TAOK1: variants seen among roughly 807,000 people sequenced by gnomAD.
TAOK1 encodes serine/threonine-protein kinase TAO1.
Under a neutral mutation model 138.3 loss-of-function variants are expected in TAOK1, and 21 were observed. That is an observed-to-expected ratio of 0.15 (90% CI 0.11 to 0.22). The LOEUF is 0.22. TAOK1 is among the 10% of genes least tolerant of loss of function. TAOK1 has a pLI of 1.00. For synonymous variants in TAOK1, 361 were observed against 398.4 expected (o/e 0.91, Z 1.12); for missense variants, 651 against 1,227.7 (o/e 0.53, Z 7.02).
At chr17:29,491,677 C>T in intron 9 of TAOK1, 107 bp from the exon 10 acceptor site, 10 of 755,122 alleles carry the variant, frequency 1.3e-5, no homozygotes, top group Admixed American at 4.1e-5. Flanking sequence ...TTTTTTTAAT[C>T]ATTCCCTTTC....
rs114969824 is a variant in TAOK1 at position 29,431,638 on chromosome 17, A to C, written c.-94-19817A>C. 8.6e-3 allele frequency among the ~76,000 whole-genome samples: 1,304 copies of C among 151,890 alleles called. 22 individuals are homozygous for C. The highest frequency in any genetic ancestry group is 0.03 in the African/African-American group (1,235 of 41,436). On this transcript the variant is annotated intron_variant, in intron 1 of 19. Transcript: ENST00000261716. ...TAAGTAAATAAATGTAAATAAGTAT[A>C]AGTTAAATTTTTTTTTTTGAGACAG...
intron 1 of TAOK1, among the ~76,000 whole-genome samples, chr17:29,412,439 T>TCCATTCAAGTCCTCTA (rs34300390): frequency 8.1e-5 from 2 of 24,810 alleles, no homozygotes; most frequent in Non-Finnish European, 1.3e-4. Context: ...TTTTTCTCTG[T>TCCATTCAAGTCCTCTA]CCATTCAAGT....
rs1457484148 is a variant in TAOK1, at chr17:29,451,443, AT to A, written c.-94-7del. 1 of 1,356,664 alleles carries A rather than the reference AT, an allele frequency of 7.4e-7. No individual in the cohort carries two copies. Among genetic ancestry groups the A allele is most frequent in the Non-Finnish European group, 9.6e-7 (1 of 1,036,502 alleles). 84.0% of individuals were successfully genotyped at this position (1,356,664 alleles called of 1,614,324 possible). On this transcript the variant is annotated splice_polypyrimidine_tract_variant and intron_variant, in intron 1 of 19. Coordinates refer to ENST00000261716, the MANE Select transcript of TAOK1 (RefSeq NM_020791.4). ...TTGCCTTTTCTGACTTTTTTTTTCT[AT>A]TTTTCTACAGTAGTTTATGCCAACG...
chr17:29,433,171 C>T (rs764331409), intron 1 of TAOK1, among the ~76,000 whole-genome samples: 2 of 152,018 alleles, frequency 1.3e-5, no homozygotes, highest in African/African-American at 2.4e-5. Context: ...CAGTGGCTCA[C>T]GCTTGTGAGC....
intron 18 of TAOK1, among the ~76,000 whole-genome samples, chr17:29,531,676 T>G (rs1476884337): frequency 6.6e-6 from 1 of 150,496 alleles, no homozygotes; most frequent in Non-Finnish European, 1.5e-5. Flanking sequence ...GGCGGGAGAA[T>G]CACCTGAACC....
rs1010649414 is a variant in TAOK1, at chr17:29,534,781, G to A, written c.2544+481G>A. 5.9e-5 allele frequency among the ~76,000 whole-genome samples: 9 copies of A among 152,272 alleles called. No homozygotes were observed. In the East Asian group the frequency reaches 1.7e-3, roughly 29 times the overall value. ...GGTAGAGGATTACTGAGGGACAGAA[G>A]GTAAAATTAGTTCCACACAGGTGAA... is the stretch of plus-strand genomic sequence containing the variant. On this transcript the variant is annotated intron_variant, in intron 19 of 19. Coordinates refer to ENST00000261716, the MANE Select transcript of TAOK1 (RefSeq NM_020791.4).
intron 1 of TAOK1, among the ~76,000 whole-genome samples, chr17:29,427,492 AG>A (rs1331613123): frequency 1.3e-5 from 2 of 149,218 alleles, no homozygotes; most frequent in Admixed American, 6.7e-5. Flanking sequence ...GCTACTTGGG[AG>A]GCTGACACAG....
In TAOK1 at chr17:29,516,335, T is replaced by C. The variant is rs187874610; in HGVS notation, c.1705-1118T>C. Among the ~76,000 whole-genome samples the C allele has an allele frequency of 1.5e-3, 223 of 151,934 alleles. 1 individual carries two copies. Among genetic ancestry groups the C allele is most frequent in the African/African-American group, 5.0e-3 (206 of 41,436 alleles). ...GGTAATTTTTATGGGGTTTTCGTTG[T>C]GTTGTTTTTGTTTTTCTGAGACTGG... is the stretch of plus-strand genomic sequence containing the variant. On this transcript the variant is annotated intron_variant, in intron 15 of 19. Coordinates refer to ENST00000261716, the MANE Select transcript of TAOK1 (RefSeq NM_020791.4).
intron 1 of TAOK1, among the ~76,000 whole-genome samples, chr17:29,411,922 A>G (rs1417234430): frequency 6.6e-6 from 1 of 152,000 alleles, no homozygotes; most frequent in Non-Finnish European, 1.5e-5. Context: ...TAATTTTTGC[A>G]TGTAATTGTT....
At chr17:29,426,739 G>T (rs905792650) in intron 1 of TAOK1, among the ~76,000 whole-genome samples, 2 of 152,118 alleles carry the variant, frequency 1.3e-5, no homozygotes, top group African/African-American at 2.4e-5. Flanking sequence ...TTGGTACATT[G>T]TATGATTTGT....
chr17:29,448,111 C>T (rs1182262165), intron 1 of TAOK1, among the ~76,000 whole-genome samples: 1 of 151,114 alleles, frequency 6.6e-6, no homozygotes, highest in African/African-American at 2.4e-5. Flanking sequence ...TACTGCTTTG[C>T]ATGTAGATCA....
chr17:29,441,236 C>CT (rs2029933690), intron 1 of TAOK1, among the ~76,000 whole-genome samples: 1 of 152,104 alleles, frequency 6.6e-6, no homozygotes, highest in Non-Finnish European at 1.5e-5. Flanking sequence ...AGAAGTCTGG[C>CT]TTGGTGGTGC....
rs754222283 is a variant in TAOK1, at chr17:29,451,467, A to G, written c.-82A>G. On this transcript the variant is annotated 5_prime_UTR_variant, in exon 2 of 20. Coordinates refer to ENST00000261716, the MANE Select transcript of TAOK1 (RefSeq NM_020791.4). ...TATTTTTCTACAGTAGTTTATGCCAACGTGACTTCATTCATACAGATGAAC... is the reference window on the plus strand; with the variant it reads ...TATTTTTCTACAGTAGTTTATGCCAGCGTGACTTCATTCATACAGATGAAC... The G allele has an allele frequency of 1.1e-4, 156 of 1,464,994 alleles. No homozygotes were observed. Among genetic ancestry groups the G allele is most frequent in the Admixed American group, 2.7e-4 (11 of 40,506 alleles). The allele number at this position is 1,464,994 out of a possible 1,614,324, so 90.7% of individuals were successfully genotyped here. A position where few individuals can be genotyped will look rare whatever the true frequency, so the allele number is the denominator to read the frequency against.
intron 15 of TAOK1, 134 bp downstream of exon 15, chr17:29,511,126 G>A: frequency 1.5e-6 from 1 of 657,344 alleles, no homozygotes; most frequent in Non-Finnish European, 2.3e-6. Context: ...TAGTTTAAAT[G>A]ATGACATTGA....
At chr17:29,409,980 T>G (rs1905099351) in intron 1 of TAOK1, among the ~76,000 whole-genome samples, 1 of 152,186 alleles carries the variant, frequency 6.6e-6, no homozygotes, top group Admixed American at 6.6e-5. Flanking sequence ...GGAAGCACTC[T>G]ATCTGTAAAA....
rs1052492073 is a variant in TAOK1, at chr17:29,546,934, G to A, written c.*3912G>A. 6 of 152,078 alleles carry A rather than the reference G, an allele frequency of 3.9e-5. No individual in the cohort carries two copies. Among genetic ancestry groups the A allele is most frequent in the Admixed American group, 3.3e-4 (5 of 15,252 alleles). The allele number at this position is 152,078 out of a possible 1,614,324, so 9.4% of individuals were successfully genotyped here. A position where few individuals can be genotyped will look rare whatever the true frequency, so the allele number is the denominator to read the frequency against. On this transcript the variant is annotated 3_prime_UTR_variant, in exon 20 of 20. Coordinates refer to ENST00000261716, the MANE Select transcript of TAOK1 (RefSeq NM_020791.4). ...TCTTTTCCTTTTTAATCCCCTCTTA[G>A]CACTTCTGTGAGTGGAGAGGACATT...
At chr17:29,452,676 T>C (rs543322093) in intron 2 of TAOK1, among the ~76,000 whole-genome samples, 4 of 152,320 alleles carry the variant, frequency 2.6e-5, no homozygotes, top group Non-Finnish European at 5.9e-5. Flanking sequence ...TAATCTCCCT[T>C]GGTCTCGATG....
intron 1 of TAOK1, among the ~76,000 whole-genome samples, chr17:29,441,786 T>C (rs1003087429): frequency 2.0e-5 from 3 of 151,880 alleles, no homozygotes; most frequent in Non-Finnish European, 4.4e-5. Flanking sequence ...TAGTCCCAGC[T>C]ACTCAGGAGG....
In TAOK1 at chr17:29,530,544, G is replaced by A; in HGVS notation, c.2286G>A (p.Glu762=). ...EHKAVLKRLK[E]EQTRKLAILA... ...AAGCTGTTCTGAAACGGCTCAAGGAGGAACAGACCCGGAAATTAGCTATCT... is the reference window on the plus strand; with the variant it reads ...AAGCTGTTCTGAAACGGCTCAAGGAAGAACAGACCCGGAAATTAGCTATCT... The change falls in exon 18 of 20, where the codon GAG becomes GAA. Residue 762 remains glutamate (E), a synonymous_variant. Transcript: ENST00000261716. The A allele has an allele frequency of 1.2e-6, 2 of 1,614,156 alleles. No homozygotes were observed. Among genetic ancestry groups the A allele is most frequent in the Non-Finnish European group, 1.7e-6 (2 of 1,180,034 alleles).
Sources: gnomAD v4.1 joint callset for allele counts (sites outside exome capture counted in the v4.1 genomes callset) on GRCh38, gnomAD v4.1.1 for gene constraint, MANE v1.5 for transcripts, NCBI Gene and HGNC (gene_info 2026-07-23, HGNC 2026-07-21) for gene names.